The following NUP93 variants were observed in gnomAD, a reference collection of about 807,000 sequenced individuals.
NUP93 encodes nucleoporin 93, also known as nuclear pore complex protein Nup93.
NUP93 carries 55 observed loss-of-function variants against 107.8 expected under a neutral mutation model. That is an observed-to-expected ratio of 0.51 (90% CI 0.41 to 0.64). NUP93 has a LOEUF of 0.64. Among genes scored for constraint, NUP93 ranks in the 30% least tolerant of loss-of-function variants. NUP93 has a pLI of 0.00. For synonymous variants in NUP93, 390 were observed against 397.5 expected (o/e 0.98, Z 0.22); for missense variants, 937 against 1,044.7 (o/e 0.90, Z 1.42).
In NUP93 at chr16:56,772,552, A is replaced by G. The variant is rs867554889; in HGVS notation, c.297+13897A>G. On this transcript the variant is annotated intron_variant, in intron 3 of 21. Transcript: ENST00000308159. ...TCTGACCATTTCTTACCTGTTTTCT[A>G]TGGAATGACATTTCCCCATCAGGGG... Among the ~76,000 whole-genome samples the G allele has an allele frequency of 4.6e-5, 7 of 152,158 alleles. No individual in the cohort carries two copies. The South Asian group carries it at 6.2e-4, about 14-fold the overall frequency.
At chr16:56,792,345 T>A (rs1457912249) in intron 3 of NUP93, among the ~76,000 whole-genome samples, 1 of 152,208 alleles carries the variant, frequency 6.6e-6, no homozygotes, top group African/African-American at 2.4e-5. Context: ...GAGGAATAAA[T>A]GTGCAAACAT....
chr16:56,830,749 G>A, intron 10 of NUP93, 64 bp downstream of exon 10: 1 of 1,378,598 alleles, frequency 7.3e-7, no homozygotes, highest in Non-Finnish European at 9.6e-7. Context: ...ATCCTTCACT[G>A]TCATTATTCT....
intron 5 of NUP93, among the ~76,000 whole-genome samples, chr16:56,806,037 C>T (rs1183035839): frequency 6.7e-6 from 1 of 149,532 alleles, no homozygotes; most frequent in South Asian, 2.2e-4. Flanking sequence ...ATTTATCTAG[C>T]CAGTGTTAAT....
At chr16:56,794,785 G>A (rs891264431) in intron 3 of NUP93, among the ~76,000 whole-genome samples, 2 of 151,890 alleles carry the variant, frequency 1.3e-5, no homozygotes, top group East Asian at 1.9e-4. Flanking sequence ...AAAATTAGCT[G>A]GGCGTGGTTG....
chr16:56,756,880 T>G (rs1304877776), intron 2 of NUP93, among the ~76,000 whole-genome samples: 3 of 152,216 alleles, frequency 2.0e-5, no homozygotes, highest in Admixed American at 1.3e-4. Context: ...GATTTGCATT[T>G]CTCTAATAAT....
chr16:56,785,901 A>G (rs1326670787), intron 3 of NUP93, among the ~76,000 whole-genome samples: 2 of 152,178 alleles, frequency 1.3e-5, no homozygotes, highest in Non-Finnish European at 2.9e-5. Flanking sequence ...CTTTGTGTTA[A>G]TACTTCTGAA....
chr16:56,838,904 A>G, intron 18 of NUP93, 48 bp from the exon 19 acceptor site: 4 of 1,323,066 alleles, frequency 3.0e-6, no homozygotes, highest in Non-Finnish European at 4.3e-6. Flanking sequence ...GATTACACAG[A>G]AATTCCTGAT....
chr16:56,796,601 C>T (rs767077668), intron 3 of NUP93, among the ~76,000 whole-genome samples: 9 of 152,196 alleles, frequency 5.9e-5, no homozygotes, highest in African/African-American at 1.2e-4. Flanking sequence ...TGCAAGAAAA[C>T]GATTGTGTTT....
intron 3 of NUP93, among the ~76,000 whole-genome samples, chr16:56,772,873 C>T (rs977295851): frequency 6.6e-6 from 1 of 152,158 alleles, no homozygotes; most frequent in African/African-American, 2.4e-5. Flanking sequence ...TTTTCTGTTA[C>T]AGTACTGTGA....
rs527368259 is a variant in NUP93, at chr16:56,848,919, A to G, written c.*4310A>G. 80 of 152,274 alleles carry G rather than the reference A, an allele frequency of 5.3e-4. No individual in the cohort carries two copies. Among genetic ancestry groups the G allele is most frequent in the African/African-American group, 1.9e-3 (78 of 41,578 alleles). 9.4% of individuals were successfully genotyped at this position (152,274 alleles called of 1,614,324 possible). A position where few individuals can be genotyped will look rare whatever the true frequency, so the allele number is the denominator to read the frequency against. Reference sequence around the variant, plus strand: ...TTTTTGTCCAGGATCACCTAAGTGAAGTACTCGTGGTTCTAAGTTGCTAAC... The same window carrying G: ...TTTTTGTCCAGGATCACCTAAGTGAGGTACTCGTGGTTCTAAGTTGCTAAC... On this transcript the variant is annotated 3_prime_UTR_variant, in exon 22 of 22. Transcript: ENST00000308159.
chr16:56,764,526 T>G (rs1221039622), intron 3 of NUP93, among the ~76,000 whole-genome samples: 1 of 152,198 alleles, frequency 6.6e-6, no homozygotes, highest in Middle Eastern at 3.2e-3. Context: ...ATCAATAGTC[T>G]TGTAACCCCT....
At chr16:56,814,048 C>T (rs375243424) in intron 5 of NUP93, among the ~76,000 whole-genome samples, 4 of 152,288 alleles carry the variant, frequency 2.6e-5, no homozygotes, top group African/African-American at 4.8e-5. Flanking sequence ...AATTAATCAC[C>T]GTGTTTCCAT....
intron 1 of NUP93, among the ~76,000 whole-genome samples, 199 bp downstream of exon 1, chr16:56,730,410 A>T (rs1449840534): frequency 1.3e-5 from 2 of 152,180 alleles, no homozygotes; most frequent in African/African-American, 4.8e-5. Context: ...GTCGGGCTGC[A>T]TCCCTGGGGG....
At chr16:56,827,641 T>C (rs1436101474) in intron 8 of NUP93, among the ~76,000 whole-genome samples, 1 of 152,122 alleles carries the variant, frequency 6.6e-6, no homozygotes, top group Non-Finnish European at 1.5e-5. Context: ...GGCAAAAAAA[T>C]TGAACCTGAA....
At chr16:56,795,072 A>G (rs1209797546) in intron 3 of NUP93, among the ~76,000 whole-genome samples, 2 of 151,924 alleles carry the variant, frequency 1.3e-5, no homozygotes, top group Admixed American at 1.3e-4. Context: ...AACCAAAAAG[A>G]AAATATTAGA....
chr16:56,806,870 A>G (rs1189024439), intron 5 of NUP93, among the ~76,000 whole-genome samples: 3 of 152,160 alleles, frequency 2.0e-5, no homozygotes, highest in African/African-American at 7.2e-5. Flanking sequence ...GGTGGGAGTT[A>G]TTGGGGCCAT....
intron 3 of NUP93, among the ~76,000 whole-genome samples, chr16:56,787,255 C>G (rs1304495458): frequency 6.6e-6 from 1 of 152,248 alleles, no homozygotes; most frequent in African/African-American, 2.4e-5. Flanking sequence ...GCTCCCTTTT[C>G]TGTGACAGAT....
In NUP93 at chr16:56,833,322, C is replaced by T. The variant is rs1320282274; in HGVS notation, c.1453C>T (p.Leu485=). Residue 485 remains leucine, a synonymous_variant, in exon 13 of 22, where the codon CTG becomes TTG. Coordinates refer to ENST00000308159, the MANE Select transcript of NUP93 (RefSeq NM_014669.5). ...TGCCTTTCTTTTCCGCATGGAGCGG[C>T]TGCGCTGCCATGCTGTCCATGTAGC... The part of the protein sequence containing the change: ...AVAFLFRMER[L]RCHAVHVALV... The T allele has an allele frequency of 1.2e-6, 2 of 1,607,606 alleles. No homozygotes were observed. The highest frequency in any genetic ancestry group is 1.7e-6 in the Non-Finnish European group (2 of 1,177,910).
intron 3 of NUP93, 120 bp from the exon 4 acceptor site, chr16:56,798,356 A>C: frequency 2.7e-6 from 2 of 737,536 alleles, no homozygotes; most frequent in Non-Finnish European, 4.6e-6. Flanking sequence ...TCAAGTTGGG[A>C]GAGTTTTGTG....
Sources: allele counts gnomAD v4.1 joint callset (sites outside exome capture counted in the v4.1 genomes callset), GRCh38; gene constraint gnomAD v4.1.1; transcripts MANE v1.5; gene names NCBI Gene and HGNC (gene_info 2026-07-23, HGNC 2026-07-21).